Variants in NSUN6 observed in about 807,000 individuals in gnomAD.
NSUN6 encodes the protein NOP2/Sun RNA methyltransferase 6.
Under a neutral mutation model 58.0 loss-of-function variants are expected in NSUN6, and 64 were observed. The ratio of observed to expected loss-of-function variants is 1.10; its 90% CI spans 0.90 to 1.36. The LOEUF (loss-of-function observed/expected upper bound fraction) is 1.36, where lower values mean the gene tolerates loss of function less well. Among genes scored for constraint, NSUN6 ranks in the 40% most tolerant of loss-of-function variants. The pLI is 0.00. For missense variants in NSUN6, 701 were observed against 550.1 expected (o/e 1.27, Z -2.74); for synonymous variants, 231 against 193.9 (o/e 1.19, Z -1.59).
chr10:18,649,501 G>C (rs371848875), intron 1 of NSUN6, among the ~76,000 whole-genome samples: 46 of 152,080 alleles, frequency 3.0e-4, no homozygotes, highest in African/African-American at 1.1e-3. Flanking sequence ...GGTGGCCCCT[G>C]TCTGAGGTCC....
At chr10:18,605,386 G>C (rs2058012522) in intron 6 of NSUN6, among the ~76,000 whole-genome samples, 2 of 152,152 alleles carry the variant, frequency 1.3e-5, no homozygotes, top group South Asian at 4.1e-4. Flanking sequence ...TAAATAAAAA[G>C]GGAAGAAGGG....
chr10:18,575,469 T>C (rs2131018325), intron 8 of NSUN6, among the ~76,000 whole-genome samples: 1 of 152,220 alleles, frequency 6.6e-6, no homozygotes, highest in Admixed American at 6.5e-5. Context: ...TAATTGAAAA[T>C]ATAGTATCCA....
At chr10:18,585,136 C>T (rs2057073687) in intron 8 of NSUN6, among the ~76,000 whole-genome samples, 1 of 151,938 alleles carries the variant, frequency 6.6e-6, no homozygotes, top group Non-Finnish European at 1.5e-5. Flanking sequence ...GTTAAAATGG[C>T]CATCATTAAA....
intron 3 of NSUN6, among the ~76,000 whole-genome samples, chr10:18,622,922 G>C (rs558826658): frequency 4.9e-4 from 75 of 152,274 alleles, no homozygotes; most frequent in African/African-American, 1.8e-3. Flanking sequence ...ATTACCAATT[G>C]GTTTTTGGCC....
At chr10:18,653,338 C>T, upstream of NSUN6, 1 of 982,532 alleles carries the variant, frequency 1.0e-6, no homozygotes, top group Non-Finnish European at 1.2e-6. Flanking sequence ...AATTACTTCA[C>T]TAGTGCCACA....
At chr10:18,654,329 T>C (rs1264557740), upstream of NSUN6, among the ~76,000 whole-genome samples, 1 of 152,224 alleles carries the variant, frequency 6.6e-6, no homozygotes, top group African/African-American at 2.4e-5. Flanking sequence ...TTATTTCTTC[T>C]ATGACAGACA....
rs71402184 is a variant in NSUN6, at chr10:18,578,231, A to ATTTTTT, written c.922+7712_922+7717dup. 2.0e-3 allele frequency among the ~76,000 whole-genome samples: 245 copies of ATTTTTT among 121,108 alleles called. 6 individuals carry two copies. Among genetic ancestry groups the ATTTTTT allele is most frequent in the African/African-American group, 2.2e-3 (67 of 30,924 alleles). 79.5% of individuals were successfully genotyped at this position (121,108 alleles called of 152,430 possible). On this transcript the variant is annotated intron_variant, in intron 8 of 10. Transcript: ENST00000377304. ...TCCATGGAGCCTCTTCTCTAAGCCT[A>ATTTTTT]TTTTTTTTTTTTTTTTTTTGAGATG...
chr10:18,581,656 C>G (rs992291496), intron 8 of NSUN6, among the ~76,000 whole-genome samples: 2 of 152,122 alleles, frequency 1.3e-5, no homozygotes, highest in Non-Finnish European at 2.9e-5. Flanking sequence ...GAAACCCCGT[C>G]TCCACTGAAA....
At chr10:18,628,417 G>T (rs191906852) in intron 3 of NSUN6, among the ~76,000 whole-genome samples, 1 of 152,192 alleles carries the variant, frequency 6.6e-6, no homozygotes, top group Admixed American at 6.5e-5. Flanking sequence ...ATGACTTTGA[G>T]GAGCTGAGAG....
intron 7 of NSUN6, among the ~76,000 whole-genome samples, chr10:18,593,918 G>A (rs1285448960): frequency 2.6e-5 from 4 of 151,496 alleles, no homozygotes; most frequent in Non-Finnish European, 4.4e-5. Flanking sequence ...ATGCATCGTG[G>A]GCCAGGCACA....
chr10:18,553,407 C>CGGAGAATGGAATGGAAT (rs2054743619), intron 8 of NSUN6, among the ~76,000 whole-genome samples: 1 of 150,172 alleles, frequency 6.7e-6, no homozygotes, highest in Non-Finnish European at 1.5e-5. Context: ...GAATGCAGAA[C>CGGAGAATGGAATGGAAT]GGAGAATGGA....
intron 8 of NSUN6, among the ~76,000 whole-genome samples, chr10:18,561,688 T>A (rs1335762779): frequency 1.4e-5 from 2 of 143,408 alleles, no homozygotes; most frequent in African/African-American, 2.7e-5. Context: ...GAATGGAGAA[T>A]GGAATAGAAT....
intron 7 of NSUN6, among the ~76,000 whole-genome samples, chr10:18,592,747 C>G (rs1388205899): frequency 6.6e-6 from 1 of 152,102 alleles, no homozygotes; most frequent in Admixed American, 6.6e-5. Flanking sequence ...AACCCAAAAC[C>G]ATAAAAACCC....
chr10:18,634,740 G>C lies in NSUN6; in HGVS notation c.311+7736C>G, dbSNP rs1200300647. ...CCACTGCACTCCAGCCTGGGTGACA[G>C]AGCGAGACTCTGTCTCAAACAAACA... On this transcript the variant is annotated intron_variant, in intron 3 of 10. Coordinates refer to ENST00000377304, the MANE Select transcript of NSUN6 (RefSeq NM_182543.5). Among the ~76,000 whole-genome samples the C allele has an allele frequency of 2.7e-5, 4 of 149,166 alleles. No individual in the cohort carries two copies. In the Admixed American group the frequency reaches 2.7e-4, roughly 10 times the overall value.
chr10:18,652,895 AG>A, upstream of NSUN6: 3 of 985,096 alleles, frequency 3.0e-6, no homozygotes, highest in Non-Finnish European at 2.4e-6. Flanking sequence ...CAAGGTTCCT[AG>A]GGTTGAAACA....
chr10:18,642,840 CTTTT>C (rs2059428435), intron 2 of NSUN6, among the ~76,000 whole-genome samples: 1 of 152,090 alleles, frequency 6.6e-6, no homozygotes, highest in Non-Finnish European at 1.5e-5. Context: ...ACTTTAGAAA[CTTTT>C]ATTTAATATA....
At chr10:18,563,049 G>T (rs2055653857) in intron 8 of NSUN6, among the ~76,000 whole-genome samples, 1 of 150,790 alleles carries the variant, frequency 6.6e-6, no homozygotes, top group Admixed American at 6.7e-5. Flanking sequence ...TGAATGGAAT[G>T]GAGAATTGAT....
intron 10 of NSUN6, among the ~76,000 whole-genome samples, chr10:18,546,567 T>G (rs907635148): frequency 4.6e-5 from 7 of 152,022 alleles, no homozygotes; most frequent in Non-Finnish European, 1.0e-4. Context: ...ACTCAGTAAA[T>G]GGAACATTAT....
intron 8 of NSUN6, 69 bp downstream of exon 8, chr10:18,585,880 A>C: frequency 8.3e-7 from 1 of 1,202,982 alleles, no homozygotes; most frequent in Non-Finnish European, 1.2e-6. Context: ...TATACATGTC[A>C]AAACATCACA....
Sources: gnomAD v4.1 joint callset for allele counts (sites outside exome capture counted in the v4.1 genomes callset) on GRCh38, gnomAD v4.1.1 for gene constraint, MANE v1.5 for transcripts, NCBI Gene and HGNC (gene_info 2026-07-23, HGNC 2026-07-21) for gene names.